ACOT7: variants seen among roughly 807,000 people sequenced by gnomAD.
ACOT7 encodes cytosolic acyl coenzyme A thioester hydrolase.
ACOT7 carries 12 observed loss-of-function variants against 40.2 expected under a neutral mutation model. That is an observed-to-expected ratio of 0.30 (90% CI 0.19 to 0.48). ACOT7 has a LOEUF of 0.48. Ranked by LOEUF, ACOT7 falls within the 20% of genes least tolerant of loss-of-function variation. ACOT7 has a pLI of 0.99. For synonymous variants in ACOT7, 228 were observed against 219.5 expected, an observed-to-expected ratio of 1.04 and a Z score of -0.34; for missense variants, 395 against 530.8, an observed-to-expected ratio of 0.74 and a Z score of 2.51.
Position 6,299,029 on chromosome 1 carries a change from A to C in ACOT7, c.713-4049T>G, listed in dbSNP as rs900939461. 2.0e-5 allele frequency among the ~76,000 whole-genome samples: 3 copies of C among 152,198 alleles called. No individual in the cohort carries two copies. Among genetic ancestry groups the C allele is most frequent in the African/African-American group, 7.2e-5 (3 of 41,448 alleles). On this transcript the variant is annotated intron_variant, in intron 6 of 8. Coordinates refer to ENST00000361521, the MANE Select transcript of ACOT7 (RefSeq NM_007274.4). The surrounding 1 kb of genome is among the most constrained non-coding windows in gnomAD (Gnocchi z 4.1). ...CCCCTGCCCCATCGCCCATGCCTGG[A>C]GGGGCTTGAGTCCCTCTGTCCCCGT...
At chr1:6,307,713 C>T (rs563439063) in intron 6 of ACOT7, among the ~76,000 whole-genome samples, 15 of 151,034 alleles carry the variant, frequency 9.9e-5, no homozygotes, top group South Asian at 2.1e-4. Context: ...CCACAACAGG[C>T]GGAGGGAACC....
intron 1 of ACOT7, among the ~76,000 whole-genome samples, chr1:6,390,906 A>G (rs1642522232): frequency 1.3e-5 from 2 of 152,180 alleles, no homozygotes; most frequent in Admixed American, 1.3e-4. Flanking sequence ...ATTGCATTCC[A>G]GTCTGGGTGA....
rs34990815 is a variant in ACOT7 at position 6,275,716 on chromosome 1, CAAAAAAAAAAAA to C, written c.1014+5374_1014+5385del. Among the ~76,000 whole-genome samples, 28 of 55,558 alleles carry C rather than the reference CAAAAAAAAAAAA, an allele frequency of 5.0e-4. No homozygotes were observed. The highest frequency in any genetic ancestry group is 3.0e-3 in the Admixed American group (15 of 5,022). The allele number at this position is 55,558 out of a possible 152,430, so 36.4% of individuals were successfully genotyped here. A position where few individuals can be genotyped will look rare whatever the true frequency, so the allele number is the denominator to read the frequency against. ...TGGGCGACAGAGTGAGGCTCCGTCT[CAAAAAAAAAAAA>C]AAAAAAAAAAAAAGATGGCCGCACC... On this transcript the variant is annotated intron_variant, in intron 8 of 8. Coordinates refer to ENST00000361521, the MANE Select transcript of ACOT7 (RefSeq NM_007274.4). This position sits in a 1 kb window ranked among gnomAD's most constrained non-coding sequence, Gnocchi z 5.6.
chr1:6,386,189 G>A (rs1642438505), intron 1 of ACOT7, among the ~76,000 whole-genome samples: 1 of 152,218 alleles, frequency 6.6e-6, no homozygotes. Flanking sequence ...AACACGGCAG[G>A]TGCCTGGCCC....
At position 6,275,248 on chromosome 1, in the gene ACOT7, A is replaced by G. The variant is rs1160523205; in HGVS notation, c.1014+5854T>C. ...ATCCAGCTGCCCTGGCTTCCTAACC[A>G]GAAAACAAACCTGCTGAGAATGGCC... On this transcript the variant is annotated intron_variant, in intron 8 of 8. Coordinates refer to ENST00000361521, the MANE Select transcript of ACOT7 (RefSeq NM_007274.4). The surrounding 1 kb of genome is among the most constrained non-coding windows in gnomAD (Gnocchi z 5.6). Among the ~76,000 whole-genome samples, 1 of 152,228 alleles carries G rather than the reference A, an allele frequency of 6.6e-6. No individual in the cohort carries two copies. Among genetic ancestry groups the G allele is most frequent in the Non-Finnish European group, 1.5e-5 (1 of 68,040 alleles).
chr1:6,270,331 G>C (rs749383573), intron 8 of ACOT7, among the ~76,000 whole-genome samples: 3 of 152,202 alleles, frequency 2.0e-5, no homozygotes, highest in African/African-American at 4.8e-5. Context: ...ACGAAAGAAC[G>C]CTCTGCGGGA....
intron 7 of ACOT7, among the ~76,000 whole-genome samples, chr1:6,290,228 G>T (rs560812046): frequency 1.3e-5 from 2 of 152,342 alleles, no homozygotes; most frequent in African/African-American, 4.8e-5. Context: ...CTGCAGACCT[G>T]CCTTAGACTT....
intron 8 of ACOT7, 144 bp downstream of exon 8, chr1:6,280,958 G>A (rs1293789923): frequency 3.3e-5 from 38 of 1,157,750 alleles, no homozygotes; most frequent in South Asian, 2.6e-4. Context: ...CACCGGTCAC[G>A]GCAGTGGCCA....
At chr1:6,286,670 C>A (rs990770745) in intron 7 of ACOT7, among the ~76,000 whole-genome samples, 9 of 152,200 alleles carry the variant, frequency 5.9e-5, no homozygotes, top group Non-Finnish European at 1.0e-4. Context: ...AGCAGCAGAC[C>A]CAGCCACGAC....
Position 6,339,739 on chromosome 1 carries a change from GTTTTTT to G in ACOT7, c.262-156_262-151del, listed in dbSNP as rs57275707. On this transcript the variant is annotated intron_variant, in intron 2 of 8. Transcript: ENST00000361521. Reference sequence around the variant, plus strand: ...TGTATCACCATTTATTGGCACCGCGGTTTTTTTTTTTTTTTTTTGAGATGGAGTCTC... The same window carrying G: ...TGTATCACCATTTATTGGCACCGCGGTTTTTTTTTTTTGAGATGGAGTCTC... The G allele has an allele frequency of 2.5e-5, 13 of 526,440 alleles. No homozygotes were observed. The South Asian group carries it at 2.7e-4, about 11-fold the overall frequency. The allele number at this position is 526,440 out of a possible 1,614,324, so 32.6% of individuals were successfully genotyped here. A position where few individuals can be genotyped will look rare whatever the true frequency, so the allele number is the denominator to read the frequency against.
At position 6,359,614 on chromosome 1, in the gene ACOT7, C is replaced by T. The variant is rs1028544829; in HGVS notation, c.144-9748G>A. ...CCCCCAACCCGTACTCTCTTCACTC[C>T]GCCTCCCCTTCTACTGGGTGTCAGG... On this transcript the variant is annotated intron_variant, in intron 1 of 8. Coordinates refer to ENST00000361521, the MANE Select transcript of ACOT7 (RefSeq NM_007274.4). This position sits in a 1 kb window ranked among gnomAD's most constrained non-coding sequence, Gnocchi z 4.1. 1.2e-4 allele frequency among the ~76,000 whole-genome samples: 18 copies of T among 152,188 alleles called. No homozygotes were observed. The highest frequency in any genetic ancestry group is 1.9e-4 in the Non-Finnish European group (13 of 68,046).
intron 8 of ACOT7, among the ~76,000 whole-genome samples, chr1:6,270,938 G>C (rs1231677928): frequency 6.6e-6 from 1 of 152,198 alleles, no homozygotes; most frequent in East Asian, 1.9e-4. Flanking sequence ...GGACGCAGGG[G>C]TGGGGAGGGT....
intron 7 of ACOT7, among the ~76,000 whole-genome samples, chr1:6,285,921 A>C (rs1296183934): frequency 6.6e-6 from 1 of 152,170 alleles, no homozygotes; most frequent in Non-Finnish European, 1.5e-5. Context: ...CCTGTGGCGA[A>C]CCTGGCACTA....
intron 6 of ACOT7, among the ~76,000 whole-genome samples, chr1:6,315,242 T>C (rs961498667): frequency 6.6e-6 from 1 of 152,190 alleles, no homozygotes; most frequent in African/African-American, 2.4e-5. Flanking sequence ...CAGTCTAGAA[T>C]TACAGAATAA....
chr1:6,378,977 GC>G (rs1345747339), intron 1 of ACOT7, among the ~76,000 whole-genome samples: 1 of 151,658 alleles, frequency 6.6e-6, no homozygotes, highest in Non-Finnish European at 1.5e-5. Flanking sequence ...CTCACTGCAA[GC>G]TCCGCCTCCC....
In ACOT7 at chr1:6,275,716, CAAAAAAA is replaced by C. The variant is rs34990815; in HGVS notation, c.1014+5379_1014+5385del. On this transcript the variant is annotated intron_variant, in intron 8 of 8. Transcript: ENST00000361521. The surrounding 1 kb of genome is among the most constrained non-coding windows in gnomAD (Gnocchi z 5.6). The stretch of plus-strand genomic sequence containing the variant: ...TGGGCGACAGAGTGAGGCTCCGTCT[CAAAAAAA>C]AAAAAAAAAAAAAAAAAAGATGGCC... Among the ~76,000 whole-genome samples, 1 of 55,520 alleles carries C rather than the reference CAAAAAAA, an allele frequency of 1.8e-5. No individual in the cohort carries two copies. The highest frequency in any genetic ancestry group is 2.0e-4 in the Admixed American group (1 of 5,004). The allele number at this position is 55,520 out of a possible 152,430, so 36.4% of individuals were successfully genotyped here. A position where few individuals can be genotyped will look rare whatever the true frequency, so the allele number is the denominator to read the frequency against.
chr1:6,354,435 A>G (rs1641681740), intron 1 of ACOT7, among the ~76,000 whole-genome samples: 1 of 152,252 alleles, frequency 6.6e-6, no homozygotes, highest in African/African-American at 2.4e-5. Context: ...AAGCTGGCGC[A>G]TGGCCCAAAA....
intron 8 of ACOT7, among the ~76,000 whole-genome samples, chr1:6,265,283 G>C (rs1221868626): frequency 6.6e-6 from 1 of 151,846 alleles, no homozygotes; most frequent in African/African-American, 2.4e-5. Context: ...GCTGCACACG[G>C]TCACCGCCCC....
intron 1 of ACOT7, among the ~76,000 whole-genome samples, chr1:6,378,986 C>T (rs1251465667): frequency 6.6e-6 from 1 of 151,806 alleles, no homozygotes; most frequent in Non-Finnish European, 1.5e-5. Context: ...AGCTCCGCCT[C>T]CCGGGTTCAC....
Sources: allele counts gnomAD v4.1 joint callset (sites outside exome capture counted in the v4.1 genomes callset), GRCh38; gene constraint gnomAD v4.1.1; non-coding constraint Gnocchi (gnomAD v3.1); transcripts MANE v1.5; gene names NCBI Gene and HGNC (gene_info 2026-07-23, HGNC 2026-07-21).